HDAC5: variants seen among roughly 807,000 people sequenced by gnomAD.
The protein encoded by HDAC5 is histone deacetylase 5.
In HDAC5, 25 loss-of-function variants were observed where a neutral mutation model predicts 133.3. The observed-to-expected ratio is 0.19, with a 90% CI of 0.14 to 0.26. HDAC5 has a LOEUF of 0.26. Among genes scored for constraint, HDAC5 ranks in the 10% least tolerant of loss-of-function variants. The pLI, the probability that HDAC5 is intolerant of heterozygous loss-of-function variation, is 1.00. For synonymous variants in HDAC5, 589 were observed against 610.8 expected (o/e 0.96, Z 0.53); for missense variants, 1,041 against 1,460.5 (o/e 0.71, Z 4.68).
chr17:44,110,062 G>T (rs1171037409), intron 3 of HDAC5, among the ~76,000 whole-genome samples: 1 of 152,262 alleles, frequency 6.6e-6, no homozygotes, highest in Admixed American at 6.5e-5. Flanking sequence ...CTGAGCCAGA[G>T]TAACACCTCT....
chr17:44,094,532 G>A (rs973154699), intron 3 of HDAC5, among the ~76,000 whole-genome samples: 96 of 151,152 alleles, frequency 6.4e-4, no homozygotes, highest in African/African-American at 2.3e-3. Context: ...AGCTACTCAG[G>A]AGGCTGAGGC....
Position 44,083,865 on chromosome 17 carries a change from G to T in HDAC5, c.2306-11C>A. 6.2e-7 allele frequency: 1 copy of T among 1,613,370 alleles called. No homozygotes were observed. The highest frequency in any genetic ancestry group is 2.2e-5 in the East Asian group (1 of 44,878). On this transcript the variant is annotated splice_polypyrimidine_tract_variant and intron_variant, in intron 16 of 26. Transcript: ENST00000682912. ...TCTGGCTGATGGGGCCTGCATGGAAGAGGAATAGAGCTACTCTAGAAGTGG... is the reference window on the plus strand; with the variant it reads ...TCTGGCTGATGGGGCCTGCATGGAATAGGAATAGAGCTACTCTAGAAGTGG...
intron 3 of HDAC5, among the ~76,000 whole-genome samples, chr17:44,107,776 T>C (rs1220967138): frequency 6.6e-6 from 1 of 151,994 alleles, no homozygotes; most frequent in Non-Finnish European, 1.5e-5. Context: ...CGAACACGAA[T>C]ATCCAGGGAA....
chr17:44,101,145 C>T (rs532516472), intron 3 of HDAC5, among the ~76,000 whole-genome samples: 1 of 149,180 alleles, frequency 6.7e-6, no homozygotes, highest in Non-Finnish European at 1.5e-5. Context: ...GTGGCTCATG[C>T]CTGTAATCCC....
chr17:44,086,330 C>A (rs2050646311), intron 14 of HDAC5, among the ~76,000 whole-genome samples: 1 of 152,246 alleles, frequency 6.6e-6, no homozygotes, highest in African/African-American at 2.4e-5. Flanking sequence ...GCACTTCAGG[C>A]TGTGGGGCAG....
At chr17:44,098,874 T>A (rs1301971971) in intron 3 of HDAC5, among the ~76,000 whole-genome samples, 1 of 151,558 alleles carries the variant, frequency 6.6e-6, no homozygotes, top group Non-Finnish European at 1.5e-5. Context: ...CCCAGCATTT[T>A]GGGAGTCCGA....
chr17:44,111,839 T>C (rs566850594), intron 2 of HDAC5, among the ~76,000 whole-genome samples: 1 of 152,270 alleles, frequency 6.6e-6, no homozygotes, highest in East Asian at 1.9e-4. Context: ...ATACTCCTCC[T>C]GGGCAGACAG....
chr17:44,092,684 C>T lies in HDAC5; in HGVS notation c.764G>A (p.Arg255His). The T allele has an allele frequency of 1.3e-6, 2 of 1,518,604 alleles. No individual in the cohort carries two copies. Among genetic ancestry groups the T allele is most frequent in the Non-Finnish European group, 8.8e-7 (1 of 1,132,358 alleles). 94.1% of individuals were successfully genotyped at this position (1,518,604 alleles called of 1,614,324 possible). The change falls in exon 7 of 27, where the codon CGC becomes CAC. Residue 255 changes from arginine to histidine, a missense_variant. Physicochemically the swap from Arg to His is conservative, Grantham distance 29 (BLOSUM62 0). Around this residue, in one of 9 missense-constraint regions of HDAC5, gnomAD observed 8 missense variants for 31.9 expected, o/e 0.25. Coordinates refer to ENST00000682912, the MANE Select transcript of HDAC5 (RefSeq NM_005474.5). ...GTGGGGGACTCACTCACCTGTTTTGCGGAGGGGGAAGTCGTCTCGACTGTC... is the reference window on the plus strand; with the variant it reads ...GTGGGGGACTCACTCACCTGTTTTGTGGAGGGGGAAGTCGTCTCGACTGTC... The part of the protein sequence containing the change: ...PYDSRDDFPL[R>H]KTASEPNLKV...
chr17:44,115,315 G>T (rs1451069713), intron 2 of HDAC5, among the ~76,000 whole-genome samples: 1 of 152,198 alleles, frequency 6.6e-6, no homozygotes, highest in African/African-American at 2.4e-5. Context: ...AGACCCTGGG[G>T]ACTAACCATT....
At chr17:44,115,264 G>A (rs532401319) in intron 2 of HDAC5, among the ~76,000 whole-genome samples, 88 of 152,326 alleles carry the variant, frequency 5.8e-4, no homozygotes, top group South Asian at 3.9e-3. Context: ...CAAGTGTTCA[G>A]GGAAGTGAGG....
intron 1 of HDAC5, among the ~76,000 whole-genome samples, chr17:44,118,674 C>T (rs1180716545): frequency 2.0e-5 from 3 of 152,146 alleles, no homozygotes; most frequent in Admixed American, 1.3e-4. Flanking sequence ...AAACGGCCCA[C>T]GATCCACCCC....
At chr17:44,113,880 C>T (rs2052485826) in intron 2 of HDAC5, among the ~76,000 whole-genome samples, 1 of 152,220 alleles carries the variant, frequency 6.6e-6, no homozygotes, top group South Asian at 2.1e-4. Flanking sequence ...GGCCCAGGAG[C>T]ACCCTGGATG....
chr17:44,117,373 T>C lies in HDAC5; in HGVS notation c.22+121A>G. The C allele has an allele frequency of 2.7e-6, 3 of 1,092,514 alleles. No individual in the cohort carries two copies. In the Admixed American group the frequency reaches 5.1e-5, roughly 19 times the overall value. 67.7% of individuals were successfully genotyped at this position (1,092,514 alleles called of 1,614,324 possible). A position where few individuals can be genotyped will look rare whatever the true frequency, so the allele number is the denominator to read the frequency against. On this transcript the variant is annotated intron_variant, in intron 2 of 26. Coordinates refer to ENST00000682912, the MANE Select transcript of HDAC5 (RefSeq NM_005474.5). This position sits in a 1 kb window ranked among gnomAD's most constrained non-coding sequence, Gnocchi z 4.2. ...TTTCTTGCAACACTTCTCCACTCCT[T>C]ACCCCCTCATTCCCTTATAGCTCAG...
intron 24 of HDAC5, 128 bp from the exon 25 acceptor site, chr17:44,079,007 A>G: frequency 6.6e-7 from 1 of 1,503,844 alleles, no homozygotes; most frequent in South Asian, 1.2e-5. Context: ...GGACAAACGC[A>G]TACTCAGAAA....
chr17:44,118,736 C>G (rs2052803553), intron 1 of HDAC5, among the ~76,000 whole-genome samples: 1 of 152,102 alleles, frequency 6.6e-6, no homozygotes, highest in Admixed American at 6.5e-5. Flanking sequence ...CTCCAATACC[C>G]AATGAAAGCA....
chr17:44,109,891 C>A (rs1054065852), intron 3 of HDAC5, among the ~76,000 whole-genome samples: 3 of 152,254 alleles, frequency 2.0e-5, no homozygotes, highest in African/African-American at 7.2e-5. Context: ...TCTTGTGGTG[C>A]CGGCCTGGTG....
intron 3 of HDAC5, among the ~76,000 whole-genome samples, chr17:44,108,502 G>GC: frequency 6.6e-6 from 1 of 152,024 alleles, no homozygotes; most frequent in East Asian, 1.9e-4. Context: ...AAAGACCCTT[G>GC]CCCCAACCCC....
chr17:44,082,737 G>A (rs773900836), intron 19 of HDAC5, 28 bp downstream of exon 19: 2 of 1,602,396 alleles, frequency 1.2e-6, no homozygotes, highest in Non-Finnish European at 1.7e-6. Flanking sequence ...ACAGGAAGGG[G>A]CGAGGGCAGA....
intron 3 of HDAC5, among the ~76,000 whole-genome samples, chr17:44,097,625 C>T (rs1449350365): frequency 1.3e-5 from 2 of 152,256 alleles, no homozygotes; most frequent in Non-Finnish European, 2.9e-5. Context: ...TGTTCTTAGT[C>T]AAGCTTGGCT....
Sources: allele counts gnomAD v4.1 joint callset (sites outside exome capture counted in the v4.1 genomes callset), GRCh38; gene constraint gnomAD v4.1.1; regional missense constraint gnomAD v4.1.1; non-coding constraint Gnocchi (gnomAD v3.1); transcripts MANE v1.5; gene names NCBI Gene and HGNC (gene_info 2026-07-23, HGNC 2026-07-21).